BTNL3: variants seen among roughly 807,000 people sequenced by gnomAD.
BTNL3 encodes butyrophilin-like protein 3.
In BTNL3, 20 loss-of-function variants were observed where a neutral mutation model predicts 40.1. The observed-to-expected ratio is 0.50, with a 90% CI of 0.35 to 0.72. The LOEUF (loss-of-function observed/expected upper bound fraction) is 0.72. Among genes scored for constraint, BTNL3 ranks in the 30% least tolerant of loss-of-function variants. The pLI is 0.01. For missense variants in BTNL3, 449 were observed against 582.2 expected (o/e 0.77, Z 2.35); for synonymous variants, 179 against 222.1 (o/e 0.81, Z 1.73).
chr5:181,002,584 T>C lies in BTNL3; in HGVS notation c.674-88T>C. On this transcript the variant is annotated intron_variant, in intron 3 of 7. Coordinates refer to ENST00000342868, the MANE Select transcript of BTNL3 (RefSeq NM_197975.3). ...AAGAAATGAGAGAAAAATGTTTTCA[T>C]CTTGGGGTACTGGGGGATTCCTTAA... is the stretch of plus-strand genomic sequence containing the variant. The C allele has an allele frequency of 1.7e-6, 2 of 1,199,714 alleles. 1 individual carries two copies. The highest frequency in any genetic ancestry group is 2.3e-6 in the Non-Finnish European group (2 of 881,896). The allele number at this position is 1,199,714 out of a possible 1,614,324, so 74.3% of individuals were successfully genotyped here. A position where few individuals can be genotyped will look rare whatever the true frequency, so the allele number is the denominator to read the frequency against.
chr5:181,003,791 C>A (rs373145915), intron 4 of BTNL3, 65 bp from the exon 5 acceptor site: 34 of 1,613,264 alleles, frequency 2.1e-5, no homozygotes, highest in Non-Finnish European at 2.7e-5. Flanking sequence ...GTGCAAGGAG[C>A]CAGCGTCGTG....
intron 3 of BTNL3, among the ~76,000 whole-genome samples, chr5:181,002,376 G>GTATATATATATA (rs55873315): frequency 2.5e-5 from 2 of 81,598 alleles, no homozygotes; most frequent in East Asian, 3.8e-4. Flanking sequence ...ACGTGTGTGT[G>GTATATATATATA]TATATATATA....
Position 181,005,876 on chromosome 5 carries a change from A to G in BTNL3, c.*4A>G. ...ATGTCCAGTGTCCTGGGGATGAGAC[A>G]GAGAAGACCCTGCTTAAAGGGCCCC... On this transcript the variant is annotated 3_prime_UTR_variant, in exon 8 of 8. Coordinates refer to ENST00000342868, the MANE Select transcript of BTNL3 (RefSeq NM_197975.3). 6.3e-7 allele frequency: 1 copy of G among 1,588,222 alleles called. No individual in the cohort carries two copies. The highest frequency in any genetic ancestry group is 8.6e-7 in the Non-Finnish European group (1 of 1,167,588).
In BTNL3 at chr5:181,005,955, G is replaced by A. The variant is rs1261007937; in HGVS notation, c.*83G>A. 8.5e-6 allele frequency: 12 copies of A among 1,419,852 alleles called. 1 individual carries two copies. The highest frequency in any genetic ancestry group is 1.0e-5 in the Non-Finnish European group (11 of 1,065,368). 88.0% of individuals were successfully genotyped at this position (1,419,852 alleles called of 1,614,324 possible). On this transcript the variant is annotated 3_prime_UTR_variant, in exon 8 of 8. Transcript: ENST00000342868. ...AGAGTGCTCCCGACAGGTGGCCCCA[G>A]CTTCCTCTCCGGAGCCTGCGCACAG...
rs752821722 is a variant in BTNL3, at chr5:181,005,751, C to T, written c.1280C>T (p.Ser427Phe). The change falls in exon 8 of 8, where the codon TCC becomes TTC. Residue 427 changes from serine (S) to phenylalanine (F), a missense_variant. This residue lies in a region of BTNL3 where 126 missense variants were observed against 117.2 expected (regional missense o/e 1.07). Coordinates refer to ENST00000342868, the MANE Select transcript of BTNL3 (RefSeq NM_197975.3). ...TCCTTCTTCAATACAAATGACCAGT[C>T]CCTTATTTATACCCTGCTGACATGT... ...TISFFNTNDQ[S>F]LIYTLLTCQF... is the part of the protein sequence containing the mutation. 1.7e-5 allele frequency: 27 copies of T among 1,613,994 alleles called. No homozygotes were observed. Among genetic ancestry groups the T allele is most frequent in the Non-Finnish European group, 2.1e-5 (25 of 1,180,014 alleles).
Position 180,997,487 on chromosome 5 carries a change from A to T in BTNL3, c.672A>T (p.Gly224=). Residue 224 remains glycine (G), a splice_region_variant and synonymous_variant, in exon 3 of 8, where the codon GGA becomes GGT. Transcript: ENST00000342868. ...AGGTGGAATCCAAGGTATTGATAGG[A>T]GGTGAGTGGGGAGAAGGAGGAGCAA... ...SHEVESKVLI[G]ETFFQPSPWR... 3 of 1,463,480 alleles carry T rather than the reference A, an allele frequency of 2.0e-6. 1 individual carries two copies. Among genetic ancestry groups the T allele is most frequent in the Non-Finnish European group, 2.8e-6 (3 of 1,058,988 alleles). 90.7% of individuals were successfully genotyped at this position (1,463,480 alleles called of 1,614,324 possible).
At position 181,005,995 on chromosome 5, in the gene BTNL3, C is replaced by G. The variant is rs569286481; in HGVS notation, c.*123C>G. ...CCTGCGCACAGAGAGTCACGCCCCCCACTCTCCTTTAGGGAGCTGAGGTTC... is the reference window on the plus strand; with the variant it reads ...CCTGCGCACAGAGAGTCACGCCCCCGACTCTCCTTTAGGGAGCTGAGGTTC... On this transcript the variant is annotated 3_prime_UTR_variant, in exon 8 of 8. Transcript: ENST00000342868. 2 of 1,130,894 alleles carry G rather than the reference C, an allele frequency of 1.8e-6. No homozygotes were observed. The highest frequency in any genetic ancestry group is 2.6e-5 in the East Asian group (1 of 38,622). The allele number at this position is 1,130,894 out of a possible 1,614,324, so 70.1% of individuals were successfully genotyped here. A position where few individuals can be genotyped will look rare whatever the true frequency, so the allele number is the denominator to read the frequency against.
At chr5:181,003,897 C>A (rs1760166222) in intron 5 of BTNL3, 21 bp downstream of exon 5, 1 of 1,613,988 alleles carries the variant, frequency 6.2e-7, no homozygotes, top group South Asian at 1.1e-5. Flanking sequence ...TGTCCTGAGC[C>A]TCCCACACAT....
chr5:180,993,344 T>G lies in BTNL3; in HGVS notation c.397+184T>G, dbSNP rs112845730. Reference sequence around the variant, plus strand: ...GAGCCTGGCCCTGCCATCACACAGGTGGGATCATGATGCAGAAGACAGCCA... The same window carrying G: ...GAGCCTGGCCCTGCCATCACACAGGGGGGATCATGATGCAGAAGACAGCCA... On this transcript the variant is annotated intron_variant, in intron 2 of 7. Coordinates refer to ENST00000342868, the MANE Select transcript of BTNL3 (RefSeq NM_197975.3). Among the ~76,000 whole-genome samples, 261 of 136,256 alleles carry G rather than the reference T, an allele frequency of 1.9e-3. 71 individuals carry two copies. Among genetic ancestry groups the G allele is most frequent in the Non-Finnish European group, 3.6e-3 (214 of 59,474 alleles). 89.4% of individuals were successfully genotyped at this position (136,256 alleles called of 152,430 possible). A position where few individuals can be genotyped will look rare whatever the true frequency, so the allele number is the denominator to read the frequency against.
chr5:181,003,613 A>G (rs986162872), intron 4 of BTNL3, among the ~76,000 whole-genome samples: 7 of 142,418 alleles, frequency 4.9e-5, no homozygotes, highest in African/African-American at 1.7e-4. Flanking sequence ...TCCCATCTCC[A>G]TCCCCACCTC....
At position 180,999,661 on chromosome 5, in the gene BTNL3, G is replaced by A. The variant is rs544412503; in HGVS notation, c.673+2173G>A. Among the ~76,000 whole-genome samples the A allele has an allele frequency of 4.2e-3, 577 of 135,950 alleles. 70 individuals carry two copies. The highest frequency in any genetic ancestry group is 0.014 in the African/African-American group (543 of 39,580). The allele number at this position is 135,950 out of a possible 152,430, so 89.2% of individuals were successfully genotyped here. A position where few individuals can be genotyped will look rare whatever the true frequency, so the allele number is the denominator to read the frequency against. ...CTAAAAATACAAAAATTAGCTGGGC[G>A]TGGTGGTGTGTGTCTGTAATCCCAG... On this transcript the variant is annotated intron_variant, in intron 3 of 7. Transcript: ENST00000342868.
chr5:181,000,095 A>T (rs1450176652), intron 3 of BTNL3, among the ~76,000 whole-genome samples: 1 of 136,630 alleles, frequency 7.3e-6, no homozygotes, highest in African/African-American at 2.5e-5. Context: ...AAAAAGGAAA[A>T]ATTTTTACCA....
rs1463845698 is a variant in BTNL3, at chr5:181,005,650, C to T, written c.1179C>T (p.Pro393=). 6.2e-7 allele frequency: 1 copy of T among 1,614,012 alleles called. No homozygotes were observed. The highest frequency in any genetic ancestry group is 2.2e-5 in the East Asian group (1 of 44,862). Residue 393 remains proline (P), a synonymous_variant, in exon 8 of 8, where the codon CCC becomes CCT. Transcript: ENST00000342868. ...AACATTTGTATTTCACATTCAATCC[C>T]CATTTTATCAGCCTCCCCCCCAGCA... is the stretch of plus-strand genomic sequence containing the variant. ...TTEHLYFTFN[P]HFISLPPSTP...
chr5:181,005,228 C>T lies in BTNL3; in HGVS notation c.863-106C>T, dbSNP rs146866794. Reference sequence around the variant, plus strand: ...TGGCTGGTGGGATAGTGGGACTGGCCGGATCCTACCCGGAGCCAGTCTGCA... The same window carrying T: ...TGGCTGGTGGGATAGTGGGACTGGCTGGATCCTACCCGGAGCCAGTCTGCA... On this transcript the variant is annotated intron_variant, in intron 7 of 7. Transcript: ENST00000342868. 2,848 of 1,567,006 alleles carry T rather than the reference C, an allele frequency of 1.8e-3. 63 individuals are homozygous for T. In the East Asian group the frequency reaches 0.047, roughly 26 times the overall value.
Position 181,002,526 on chromosome 5 carries a change from T to C in BTNL3, c.674-146T>C, listed in dbSNP as rs1582089843. ...TATATGAAATCCGGATGGATCAAGA[T>C]GTTTATAGAAATGCAAAGCTTTAAA... On this transcript the variant is annotated intron_variant, in intron 3 of 7. Transcript: ENST00000342868. 17 of 444,978 alleles carry C rather than the reference T, an allele frequency of 3.8e-5. 2 individuals are homozygous for C. The East Asian group carries it at 1.1e-3, about 29-fold the overall frequency. 27.6% of individuals were successfully genotyped at this position (444,978 alleles called of 1,614,324 possible). A position where few individuals can be genotyped will look rare whatever the true frequency, so the allele number is the denominator to read the frequency against.
chr5:181,005,853 G>C lies in BTNL3; in HGVS notation c.1382G>C (p.Cys461Ser). The change falls in exon 8 of 8, where the codon TGT becomes TCT. Residue 461 changes from cysteine (C) to serine (S), a missense_variant. Physicochemically the swap from Cys to Ser is moderately radical, Grantham distance 112. This residue lies in a region of BTNL3 where 126 missense variants were observed against 117.2 expected (regional missense o/e 1.07). Coordinates refer to ENST00000342868, the MANE Select transcript of BTNL3 (RefSeq NM_197975.3). ...DEEKGTPIFI[C>S]PVSWG ...GAAAAGGGGACTCCCATATTCATAT[G>C]TCCAGTGTCCTGGGGATGAGACAGA... 1 of 1,607,768 alleles carries C rather than the reference G, an allele frequency of 6.2e-7. No individual in the cohort carries two copies. The highest frequency in any genetic ancestry group is 8.5e-7 in the Non-Finnish European group (1 of 1,176,682).
chr5:181,003,189 C>G (rs1242469523), intron 4 of BTNL3, among the ~76,000 whole-genome samples: 1 of 134,140 alleles, frequency 7.5e-6, no homozygotes. Context: ...GAACTCCTCT[C>G]TACAAAAAAT....
Position 181,005,946 on chromosome 5 carries a change from G to A in BTNL3, c.*74G>A, listed in dbSNP as rs1388298320. The A allele has an allele frequency of 1.4e-6, 2 of 1,452,326 alleles. No homozygotes were observed. The highest frequency in any genetic ancestry group is 1.8e-6 in the Non-Finnish European group (2 of 1,091,604). The allele number at this position is 1,452,326 out of a possible 1,614,324, so 90.0% of individuals were successfully genotyped here. On this transcript the variant is annotated 3_prime_UTR_variant, in exon 8 of 8. Coordinates refer to ENST00000342868, the MANE Select transcript of BTNL3 (RefSeq NM_197975.3). ...AGCCAAGGGAGAGTGCTCCCGACAG[G>A]TGGCCCCAGCTTCCTCTCCGGAGCC...
At chr5:181,005,261 G>A (rs944460739) in intron 7 of BTNL3, 73 bp from the exon 8 acceptor site, 23 of 1,590,294 alleles carry the variant, frequency 1.4e-5, no homozygotes, top group Middle Eastern at 2.3e-4. Context: ...GCAGTGGGAG[G>A]GTCGACCTCT....
Sources: gnomAD v4.1 joint callset for allele counts (sites outside exome capture counted in the v4.1 genomes callset) on GRCh38, gnomAD v4.1.1 for gene constraint, gnomAD v4.1.1 regional missense constraint, MANE v1.5 for transcripts, NCBI Gene and HGNC (gene_info 2026-07-23, HGNC 2026-07-21) for gene names.